The following CACNA1I variants were observed in gnomAD, a reference collection of about 807,000 sequenced individuals.
CACNA1I encodes calcium voltage-gated channel subunit alpha1 I.
A neutral mutation model predicts 201.6 loss-of-function variants in CACNA1I; 74 were observed. The observed-to-expected ratio is 0.37, with a 90% CI of 0.30 to 0.45. The LOEUF (loss-of-function observed/expected upper bound fraction) is 0.45, where lower values mean the gene tolerates loss of function less well. Ranked by LOEUF, CACNA1I falls within the 20% of genes least tolerant of loss-of-function variation. The pLI, the probability that CACNA1I is intolerant of heterozygous loss-of-function variation, is 1.00. For missense variants in CACNA1I, 2,346 were observed against 3,138.1 expected (o/e 0.75, Z 6.03); for synonymous variants, 1,431 against 1,345.2 (o/e 1.06, Z -1.40).
chr22:39,651,347 G>A (rs1426543074), intron 10 of CACNA1I, among the ~76,000 whole-genome samples: 1 of 152,214 alleles, frequency 6.6e-6, no homozygotes, highest in African/African-American at 2.4e-5. Context: ...AGCTCACCAA[G>A]CACAGGCTCC....
intron 4 of CACNA1I, among the ~76,000 whole-genome samples, chr22:39,633,361 C>G (rs577892898): frequency 2.8e-4 from 42 of 152,246 alleles, no homozygotes; most frequent in Middle Eastern, 3.4e-3. Flanking sequence ...TAGAATAAGA[C>G]GAGATATTGA....
chr22:39,673,228 G>A, intron 28 of CACNA1I, 146 bp downstream of exon 28: 1 of 870,874 alleles, frequency 1.1e-6, no homozygotes, highest in East Asian at 2.5e-5. Context: ...CTGAACAGGG[G>A]TGAGAAGGAG....
rs1327468795 is a variant in CACNA1I, at chr22:39,681,130, CT to C, written c.5664+79del. The C allele has an allele frequency of 6.0e-6, 9 of 1,488,008 alleles. No individual in the cohort carries two copies. In the African/African-American group the frequency reaches 6.9e-5, roughly 11 times the overall value. The allele number at this position is 1,488,008 out of a possible 1,614,324, so 92.2% of individuals were successfully genotyped here. ...CCCTGCCCACCCAGGCAGGACCCCCCTGTCTTTCCAGTCTACCATGTAAACG... is the reference window on the plus strand; with the variant it reads ...CCCTGCCCACCCAGGCAGGACCCCCCGTCTTTCCAGTCTACCATGTAAACG... On this transcript the variant is annotated intron_variant, in intron 34 of 36. Coordinates refer to ENST00000402142, the MANE Select transcript of CACNA1I (RefSeq NM_021096.4).
chr22:39,597,229 C>G (rs769939934), intron 1 of CACNA1I, among the ~76,000 whole-genome samples: 4 of 152,142 alleles, frequency 2.6e-5, no homozygotes, highest in Non-Finnish European at 4.4e-5. Context: ...GTATGACAGG[C>G]GGGGGCTGGA....
At chr22:39,637,441 G>A (rs549258830) in intron 5 of CACNA1I, among the ~76,000 whole-genome samples, 1 of 152,276 alleles carries the variant, frequency 6.6e-6, no homozygotes, top group Admixed American at 6.5e-5. Context: ...CACTGCTGCG[G>A]TGTGGCGTGT....
intron 4 of CACNA1I, among the ~76,000 whole-genome samples, chr22:39,634,113 G>C (rs1467838802): frequency 6.6e-6 from 1 of 152,218 alleles, no homozygotes; most frequent in Non-Finnish European, 1.5e-5. Flanking sequence ...TTTGTGTCAA[G>C]ACACCTGGTT....
intron 10 of CACNA1I, among the ~76,000 whole-genome samples, chr22:39,655,151 T>C (rs1281218213): frequency 1.3e-5 from 2 of 151,988 alleles, no homozygotes; most frequent in Non-Finnish European, 2.9e-5. Context: ...GGGCTTGAGA[T>C]TGAGAGGAGA....
rs1194563816 is a variant in CACNA1I at position 39,686,181 on chromosome 22, G to A, written c.6448G>A (p.Ala2150Thr). The A allele has an allele frequency of 1.6e-6, 2 of 1,273,220 alleles. No homozygotes were observed. Among genetic ancestry groups the A allele is most frequent in the African/African-American group, 1.6e-5 (1 of 63,194 alleles). The allele number at this position is 1,273,220 out of a possible 1,614,324, so 78.9% of individuals were successfully genotyped here. A position where few individuals can be genotyped will look rare whatever the true frequency, so the allele number is the denominator to read the frequency against. ...PPPPAPGLTP[A>T]RKFSSTSSLA... is the part of the protein sequence containing the mutation. ...GCCGCCAGCCCCCGGCCTCACGCCC[G>A]CCAGGAAGTTCAGCAGCACCAGCAG... The change falls in exon 37 of 37, where the codon GCC (alanine) becomes ACC (threonine). Residue 2150 changes from alanine (A) to threonine (T), a missense_variant. By Grantham distance (58) the Ala-to-Thr change is moderately conservative. This residue lies in a region of CACNA1I where 187 missense variants were observed against 151.0 expected (regional missense o/e 1.24). Transcript: ENST00000402142.
At chr22:39,646,253 C>T (rs533790412) in intron 7 of CACNA1I, among the ~76,000 whole-genome samples, 5 of 152,162 alleles carry the variant, frequency 3.3e-5, no homozygotes, top group South Asian at 4.1e-4. Context: ...TGTTTCCACT[C>T]GTCCCCTGCA....
rs553204945 is a variant in CACNA1I, at chr22:39,632,287, C to T, written c.581-2278C>T. Among the ~76,000 whole-genome samples the T allele has an allele frequency of 2.0e-4, 30 of 152,264 alleles. No individual in the cohort carries two copies. In the South Asian group the frequency reaches 5.4e-3, roughly 27 times the overall value. ...CTGCCCCTGTCCTGGCCTCGGGGCT[C>T]GCCCATTCTTTTTTGAAGCTCAGAG... is the stretch of plus-strand genomic sequence containing the variant. On this transcript the variant is annotated intron_variant, in intron 4 of 36. Coordinates refer to ENST00000402142, the MANE Select transcript of CACNA1I (RefSeq NM_021096.4).
chr22:39,574,955 T>C (rs1161716182), intron 1 of CACNA1I, among the ~76,000 whole-genome samples: 2 of 152,220 alleles, frequency 1.3e-5, no homozygotes, highest in Non-Finnish European at 2.9e-5. Flanking sequence ...CAGCTCCTCT[T>C]CCAGCCCGGA....
intron 1 of CACNA1I, among the ~76,000 whole-genome samples, chr22:39,571,613 C>T (rs886442920): frequency 2.0e-5 from 3 of 152,220 alleles, no homozygotes; most frequent in Non-Finnish European, 2.9e-5. Context: ...TGGCTTCCCC[C>T]CTGTGCTCTT....
chr22:39,680,045 G>C (rs565481006), intron 33 of CACNA1I, among the ~76,000 whole-genome samples, 177 bp downstream of exon 33: 111 of 152,314 alleles, frequency 7.3e-4, no homozygotes, highest in African/African-American at 2.6e-3. Context: ...GCCAGGTGTG[G>C]GCCTGTGGTG....
At chr22:39,576,721 C>A (rs1601788303) in intron 1 of CACNA1I, among the ~76,000 whole-genome samples, 1 of 152,210 alleles carries the variant, frequency 6.6e-6, no homozygotes, top group Non-Finnish European at 1.5e-5. Context: ...GCCCTCGTCT[C>A]CCTGTCTGTG....
Position 39,648,020 on chromosome 22 carries a change from G to A in CACNA1I, c.1567+94G>A, listed in dbSNP as rs951093513. On this transcript the variant is annotated intron_variant, in intron 9 of 36. Transcript: ENST00000402142. The surrounding 1 kb of genome is among the most constrained non-coding windows in gnomAD (Gnocchi z 5.4). Reference sequence around the variant, plus strand: ...GAAGGAAGTCGGCAGGCATGGGGACGGCGCTTGAGCAGCCGCGACCCTCTG... The same window carrying A: ...GAAGGAAGTCGGCAGGCATGGGGACAGCGCTTGAGCAGCCGCGACCCTCTG... 21 of 1,139,260 alleles carry A rather than the reference G, an allele frequency of 1.8e-5. No homozygotes were observed. The highest frequency in any genetic ancestry group is 2.8e-4 in the Middle Eastern group (1 of 3,600). 70.6% of individuals were successfully genotyped at this position (1,139,260 alleles called of 1,614,324 possible).
chr22:39,658,786 G>T, intron 11 of CACNA1I, 145 bp from the exon 12 acceptor site: 1 of 717,480 alleles, frequency 1.4e-6, no homozygotes, highest in South Asian at 1.8e-5. Context: ...TTGTGGCGTG[G>T]AGCAGCATCC....
intron 29 of CACNA1I, 84 bp downstream of exon 29, chr22:39,674,117 TC>T: frequency 3.1e-6 from 4 of 1,274,440 alleles, no homozygotes; most frequent in Non-Finnish European, 4.5e-6. Flanking sequence ...TGATTTCCCT[TC>T]TCCTCACATC....
chr22:39,646,959 C>T, intron 8 of CACNA1I, 78 bp downstream of exon 8: 1 of 1,437,278 alleles, frequency 7.0e-7, no homozygotes, highest in Non-Finnish European at 9.1e-7. Flanking sequence ...TCCAGCAGGC[C>T]CAGCAGCCTC....
At position 39,661,214 on chromosome 22, in the gene CACNA1I, A is replaced by G. The variant is rs1934997819; in HGVS notation, c.2805A>G (p.Arg935=). The change falls in exon 16 of 37, where the codon CGA becomes CGG. Residue 935 remains arginine (R), a synonymous_variant. Coordinates refer to ENST00000402142, the MANE Select transcript of CACNA1I (RefSeq NM_021096.4). ...CTGGGGCTGCGGGACCTGCCCCCCG[A>G]CTCTCACTGCAGCCGGACCCCATGC... is the stretch of plus-strand genomic sequence containing the variant. The part of the protein sequence containing the change: ...GPAGAAGPAP[R]LSLQPDPMLV... 1 of 1,611,576 alleles carries G rather than the reference A, an allele frequency of 6.2e-7. No individual in the cohort carries two copies. Among genetic ancestry groups the G allele is most frequent in the African/African-American group, 1.3e-5 (1 of 74,822 alleles).
Sources: gnomAD v4.1 joint callset for allele counts (sites outside exome capture counted in the v4.1 genomes callset) on GRCh38, gnomAD v4.1.1 for gene constraint, gnomAD v4.1.1 regional missense constraint, Gnocchi (gnomAD v3.1) non-coding constraint, MANE v1.5 for transcripts, NCBI Gene and HGNC (gene_info 2026-07-23, HGNC 2026-07-21) for gene names.